PDE4D: variants seen among roughly 807,000 people sequenced by gnomAD.
PDE4D encodes phosphodiesterase 4D, also known as 3',5'-cyclic-AMP phosphodiesterase 4D.
PDE4D carries 24 observed loss-of-function variants against 87.4 expected under a neutral mutation model. The ratio of observed to expected loss-of-function variants is 0.27; its 90% CI spans 0.20 to 0.39. The LOEUF (loss-of-function observed/expected upper bound fraction) is 0.39. Ranked by LOEUF, PDE4D falls within the 10% of genes least tolerant of loss-of-function variation. The pLI, the probability that PDE4D is intolerant of heterozygous loss-of-function variation, is 1.00. For missense variants in PDE4D, 714 were observed against 1,041.0 expected (o/e 0.69, Z 4.32); for synonymous variants, 384 against 383.2 (o/e 1.00, Z -0.02).
At chr5:59,626,820 GGCA>G (rs1830955153) in intron 1 of PDE4D, among the ~76,000 whole-genome samples, 1 of 152,048 alleles carries the variant, frequency 6.6e-6, no homozygotes, top group African/African-American at 2.4e-5. Context: ...GATGAATAGA[GGCA>G]TGTCTAGACC....
intron 1 of PDE4D, among the ~76,000 whole-genome samples, chr5:59,525,963 A>G (rs886184253): frequency 6.6e-6 from 1 of 152,132 alleles, no homozygotes; most frequent in Non-Finnish European, 1.5e-5. Context: ...ATAAATTACC[A>G]TATCTCAAGT....
intron 6 of PDE4D, among the ~76,000 whole-genome samples, chr5:59,008,120 A>T (rs1246105977): frequency 1.3e-5 from 2 of 152,076 alleles, no homozygotes; most frequent in Non-Finnish European, 2.9e-5. Context: ...TCTACTACAG[A>T]CTTTTGTTTC....
At chr5:59,534,563 T>G (rs967009629) in intron 1 of PDE4D, among the ~76,000 whole-genome samples, 3 of 152,144 alleles carry the variant, frequency 2.0e-5, no homozygotes, top group African/African-American at 7.2e-5. Flanking sequence ...GGTTGAAGAC[T>G]CTTTCCACAA....
chr5:59,219,492 C>G (rs1230603974), intron 1 of PDE4D, among the ~76,000 whole-genome samples: 1 of 151,784 alleles, frequency 6.6e-6, no homozygotes, highest in Admixed American at 6.6e-5. Context: ...GAAGTATCAG[C>G]CAATGTCAGT....
intron 1 of PDE4D, among the ~76,000 whole-genome samples, chr5:59,599,167 C>T (rs1415123406): frequency 6.6e-6 from 1 of 151,296 alleles, no homozygotes; most frequent in Non-Finnish European, 1.5e-5. Context: ...AAATGGATAT[C>T]AATATTGTAA....
At chr5:59,827,752 C>T (rs1770492022) in intron 1 of PDE4D, among the ~76,000 whole-genome samples, 1 of 152,050 alleles carries the variant, frequency 6.6e-6, no homozygotes, top group Non-Finnish European at 1.5e-5. Context: ...AGCTGGGTGT[C>T]CAAACAGCTC....
intron 1 of PDE4D, among the ~76,000 whole-genome samples, chr5:59,390,586 T>C (rs1788034527): frequency 1.3e-5 from 2 of 152,146 alleles, no homozygotes; most frequent in South Asian, 4.1e-4. Context: ...AATATTTTTA[T>C]ATCCAAGAGT....
At chr5:60,314,331 T>G (rs889675384) in intron 1 of PDE4D, among the ~76,000 whole-genome samples, 1 of 151,870 alleles carries the variant, frequency 6.6e-6, no homozygotes, top group African/African-American at 2.4e-5. Context: ...CATGCCCAAC[T>G]GATTTTTTGT....
intron 6 of PDE4D, among the ~76,000 whole-genome samples, chr5:59,002,847 A>G (rs1750814324): frequency 6.6e-6 from 1 of 152,216 alleles, no homozygotes; most frequent in Non-Finnish European, 1.5e-5. Flanking sequence ...ACATAGCAAT[A>G]AATAACCAGA....
intron 1 of PDE4D, among the ~76,000 whole-genome samples, chr5:59,514,105 TTTC>T (rs1338522828): frequency 6.6e-6 from 1 of 151,108 alleles, no homozygotes; most frequent in Non-Finnish European, 1.5e-5. Context: ...TGTTTACATT[TTTC>T]TTTTTTTTTT....
At chr5:60,405,806 A>G (rs1397359033) in intron 1 of PDE4D, among the ~76,000 whole-genome samples, 3 of 152,258 alleles carry the variant, frequency 2.0e-5, no homozygotes, top group Admixed American at 6.5e-5. Context: ...TTCCCAATGT[A>G]TAGATCATAG....
intron 1 of PDE4D, among the ~76,000 whole-genome samples, chr5:59,377,983 T>C (rs1185572653): frequency 6.6e-6 from 1 of 152,162 alleles, no homozygotes; most frequent in Non-Finnish European, 1.5e-5. Context: ...GGCATGTGTA[T>C]GATCATTGCA....
chr5:60,172,418 C>A lies in PDE4D; in HGVS notation c.42+13139G>T, dbSNP rs183527139. The stretch of plus-strand genomic sequence containing the variant: ...TTCCCAGTATTTCTGGGAAATACCT[C>A]CAAAGGGACAGGTGCTTCACCAACC... On this transcript the variant is annotated intron_variant, in intron 2 of 16. Coordinates refer to the PDE4D transcript ENST00000502484. 5.6e-4 allele frequency among the ~76,000 whole-genome samples: 85 copies of A among 151,962 alleles called. 1 individual carries two copies. Among genetic ancestry groups the A allele is most frequent in the Non-Finnish European group, 9.9e-4 (67 of 67,934 alleles).
At chr5:59,688,399 T>C (rs899053140) in intron 1 of PDE4D, among the ~76,000 whole-genome samples, 2 of 152,030 alleles carry the variant, frequency 1.3e-5, no homozygotes, top group Admixed American at 6.6e-5. Context: ...CAAACTAGAA[T>C]TCAGGATTAA....
At chr5:59,876,550 G>T (rs1299887646) in intron 1 of PDE4D, among the ~76,000 whole-genome samples, 3 of 151,948 alleles carry the variant, frequency 2.0e-5, no homozygotes, top group Non-Finnish European at 4.4e-5. Context: ...TTATTCCACT[G>T]CTCTAAGTTA....
chr5:59,984,815 C>T (rs1762256560), intron 3 of PDE4D, among the ~76,000 whole-genome samples: 1 of 152,114 alleles, frequency 6.6e-6, no homozygotes, highest in African/African-American at 2.4e-5. Context: ...AAGAAAGTAT[C>T]TGGCATACTG....
chr5:59,881,500 C>T (rs1238115045), intron 1 of PDE4D, among the ~76,000 whole-genome samples: 1 of 152,022 alleles, frequency 6.6e-6, no homozygotes, highest in Non-Finnish European at 1.5e-5. Flanking sequence ...ACTGAAGTGT[C>T]TTTTACATAA....
intron 1 of PDE4D, among the ~76,000 whole-genome samples, chr5:60,347,918 A>G (rs1018703529): frequency 2.6e-5 from 4 of 152,146 alleles, no homozygotes; most frequent in Admixed American, 2.6e-4. Flanking sequence ...TGGACCTGGT[A>G]TTCCCTTCTC....
intron 1 of PDE4D, among the ~76,000 whole-genome samples, chr5:60,378,305 A>G (rs965764917): frequency 2.0e-5 from 3 of 152,144 alleles, no homozygotes; most frequent in Non-Finnish European, 4.4e-5. Context: ...ACCCTTTCCA[A>G]CCACAGTGCA....
Sources: gnomAD v4.1 joint callset for allele counts (sites outside exome capture counted in the v4.1 genomes callset) on GRCh38, gnomAD v4.1.1 for gene constraint, MANE v1.5 for transcripts, NCBI Gene and HGNC (gene_info 2026-07-23, HGNC 2026-07-21) for gene names.